Variants in MGAM2 observed in about 807,000 individuals in gnomAD.
MGAM2 encodes the protein maltase-glucoamylase 2 (putative), also known as probable maltase-glucoamylase 2.
In MGAM2, 98 loss-of-function variants were observed where a neutral mutation model predicts 96.1. That is an observed-to-expected ratio of 1.02 (90% confidence interval 0.87 to 1.21). The LOEUF is 1.21. Among genes scored for constraint, MGAM2 ranks in the 50% most tolerant of loss-of-function variants. MGAM2 has a pLI of 0.00. For missense variants in MGAM2, 2,055 were observed against 1,182.4 expected (o/e 1.74, Z -10.82); for synonymous variants, 749 against 414.8 (o/e 1.81, Z -9.79).
chr7:142,189,119 CTA>C (rs1368465928), intron 36 of MGAM2, among the ~76,000 whole-genome samples: 1 of 152,186 alleles, frequency 6.6e-6, no homozygotes, highest in Admixed American at 6.5e-5. Context: ...TGACAACACT[CTA>C]TAAATTAAAT....
intron 45 of MGAM2, among the ~76,000 whole-genome samples, chr7:142,201,317 A>G (rs6945482): frequency 1 from 151,448 of 151,924 alleles, 75,488 homozygotes; most frequent in Middle Eastern, 1. Flanking sequence ...TGATTCACCC[A>G]CCTCGGCCTC....
chr7:142,212,822 G>C (rs1797630571), intron 46 of MGAM2, among the ~76,000 whole-genome samples: 1 of 152,034 alleles, frequency 6.6e-6, no homozygotes, highest in South Asian at 2.1e-4. Flanking sequence ...ACTCAGCTCT[G>C]GACCAAGCAG....
rs902949019 is a variant in MGAM2, at chr7:142,148,100, T to C, written c.1634+527T>C. 6.6e-6 allele frequency among the ~76,000 whole-genome samples: 1 copy of C among 151,702 alleles called. No individual in the cohort carries two copies. Among genetic ancestry groups the C allele is most frequent in the African/African-American group, 2.4e-5 (1 of 41,294 alleles). Reference sequence around the variant, plus strand: ...CCTTCTGCCCTAAGACACACACACATGCACACACACGTGCACACACAACTA... The same window carrying C: ...CCTTCTGCCCTAAGACACACACACACGCACACACACGTGCACACACAACTA... On this transcript the variant is annotated intron_variant, in intron 15 of 47. Coordinates refer to ENST00000477922, the MANE Select transcript of MGAM2 (RefSeq NM_001293626.2). This position sits in a 1 kb window ranked among gnomAD's most constrained non-coding sequence, Gnocchi z 4.2.
In MGAM2 at chr7:142,131,001, T is replaced by C; in HGVS notation, c.240T>C (p.Asn80=). 1.4e-6 allele frequency: 1 copy of C among 702,696 alleles called. No individual in the cohort carries two copies. The highest frequency in any genetic ancestry group is 2.6e-6 in the Non-Finnish European group (1 of 385,008). 43.5% of individuals were successfully genotyped at this position (702,696 alleles called of 1,614,324 possible). Reference sequence around the variant, plus strand: ...GCTGGTCGCCTGTGGCAGATGCCAATGTCCCTAGGTGCTTCTTCCCCTGGA... The same window carrying C: ...GCTGGTCGCCTGTGGCAGATGCCAACGTCCCTAGGTGCTTCTTCCCCTGGA... The part of the protein sequence containing the change: ...KCCWSPVADA[N]VPRCFFPWNW... The change falls in exon 4 of 48, where the codon AAT becomes AAC. Residue 80 remains asparagine, a synonymous_variant. Coordinates refer to ENST00000477922, the MANE Select transcript of MGAM2 (RefSeq NM_001293626.2).
chr7:142,185,194 A>AT (rs749042458), intron 34 of MGAM2, 55 bp downstream of exon 34: 24 of 690,906 alleles, frequency 3.5e-5, no homozygotes, highest in Non-Finnish European at 5.5e-5. Flanking sequence ...GGATATTTAC[A>AT]TTTTTTATCC....
chr7:142,148,870 C>G lies in MGAM2; in HGVS notation c.1634+1297C>G, dbSNP rs1465801637. On this transcript the variant is annotated intron_variant, in intron 15 of 47. Transcript: ENST00000477922. The surrounding 1 kb of genome is among the most constrained non-coding windows in gnomAD (Gnocchi z 4.2). ...TCAGTCCTTTTCTTACTTGACTTCT[C>G]TTTCTCCTTGGTACTCAAGGCCATA... 6.6e-6 allele frequency among the ~76,000 whole-genome samples: 1 copy of G among 152,068 alleles called. No homozygotes were observed. The highest frequency in any genetic ancestry group is 1.5e-5 in the Non-Finnish European group (1 of 68,010).
intron 24 of MGAM2, 30 bp from the exon 25 acceptor site, chr7:142,166,068 C>G: frequency 1.5e-6 from 1 of 654,254 alleles, no homozygotes; most frequent in East Asian, 2.8e-5. Context: ...CCCTCCCTTC[C>G]TTTGTCACTG....
intron 46 of MGAM2, 56 bp from the exon 47 acceptor site, chr7:142,218,305 C>G (rs2129107660): frequency 1.1e-5 from 6 of 547,770 alleles, no homozygotes; most frequent in Non-Finnish European, 1.9e-5. Context: ...TTAATATGGA[C>G]CATAGTCTAT....
In MGAM2 at chr7:142,120,378, C is replaced by G. The variant is rs187698952; in HGVS notation, c.183C>G (p.Thr61=). Residue 61 remains threonine (T), a synonymous_variant, in exon 3 of 48, where the codon ACC becomes ACG. Transcript: ENST00000477922. Reference sequence around the variant, plus strand: ...ACTGCACACCTGACCAGGAGGTGACCGAGGTCAGAGAAATAAGGTCCCTTT... The same window carrying G: ...ACTGCACACCTGACCAGGAGGTGACGGAGGTCAGAGAAATAAGGTCCCTTT... ...RIDCTPDQEV[T]EDICRWQYKC... 1.4e-6 allele frequency: 1 copy of G among 702,364 alleles called. No homozygotes were observed. The highest frequency in any genetic ancestry group is 2.7e-5 in the East Asian group (1 of 37,246). 43.5% of individuals were successfully genotyped at this position (702,364 alleles called of 1,614,324 possible).
At chr7:142,178,676 T>C (rs764004435) in intron 32 of MGAM2, among the ~76,000 whole-genome samples, 1 of 152,156 alleles carries the variant, frequency 6.6e-6, no homozygotes, top group African/African-American at 2.4e-5. Flanking sequence ...AGGTGTGTGA[T>C]AGTATACGTT....
intron 45 of MGAM2, 46 bp downstream of exon 45, chr7:142,200,014 C>G (rs768094713): frequency 3.2e-6 from 2 of 615,966 alleles, no homozygotes; most frequent in South Asian, 3.9e-5. Context: ...TGAGAAAAAT[C>G]ATACCATAGA....
intron 1 of MGAM2, among the ~76,000 whole-genome samples, chr7:142,116,548 C>A (rs1817408432): frequency 6.6e-6 from 1 of 152,216 alleles, no homozygotes; most frequent in Admixed American, 6.5e-5. Context: ...GTTTTGTGAG[C>A]TACCTCAGCC....
intron 46 of MGAM2, among the ~76,000 whole-genome samples, chr7:142,209,766 A>G (rs1464409408): frequency 6.6e-6 from 1 of 152,250 alleles, no homozygotes; most frequent in Non-Finnish European, 1.5e-5. Flanking sequence ...CTTTTAAAAC[A>G]TCAGAACCGA....
chr7:142,207,491 T>A (rs2129104035), intron 45 of MGAM2, among the ~76,000 whole-genome samples: 1 of 152,178 alleles, frequency 6.6e-6, no homozygotes, highest in East Asian at 1.9e-4. Context: ...AGTGGCGCGA[T>A]CTTGGCTCGC....
At chr7:142,173,081 G>A in intron 30 of MGAM2, 148 bp from the exon 31 acceptor site, 1 of 562,792 alleles carries the variant, frequency 1.8e-6, no homozygotes, top group Non-Finnish European at 3.2e-6. Context: ...GTCTGTAGTT[G>A]CTCCACATTT....
At chr7:142,165,257 G>GT (rs1473933621) in intron 24 of MGAM2, among the ~76,000 whole-genome samples, 2 of 152,208 alleles carry the variant, frequency 1.3e-5, no homozygotes, top group African/African-American at 4.8e-5. Flanking sequence ...AGAGAAGGAA[G>GT]TTCTTCTCTG....
In MGAM2 at chr7:142,154,020, C is replaced by A; in HGVS notation, c.1637C>A (p.Ala546Asp). ...GHSMARTTNL[A>D]LETIFMNNRS... ...CCACTGGATGTATTCCTTTCCAGAG[C>A]CCTGGAGACCATCTTCATGAATAAT... The change falls in exon 16 of 48, where the codon GCC becomes GAC. Residue 546 changes from alanine to aspartate, a missense_variant and splice_region_variant. Coordinates refer to ENST00000477922, the MANE Select transcript of MGAM2 (RefSeq NM_001293626.2). The A allele has an allele frequency of 1.5e-6, 1 of 665,230 alleles. No individual in the cohort carries two copies. Among genetic ancestry groups the A allele is most frequent in the South Asian group, 1.6e-5 (1 of 62,018 alleles). 41.2% of individuals were successfully genotyped at this position (665,230 alleles called of 1,614,324 possible).
At position 142,173,284 on chromosome 7, in the gene MGAM2, G is replaced by T. The variant is rs759332548; in HGVS notation, c.3617G>T (p.Arg1206Leu). ...TGGGCCTTGGGATTCCATCTGAGTC[G>T]CTATGGATACCAGAATGATGCTGAA... ...PYWALGFHLS[R>L]YGYQNDAEIS... Residue 1206 changes from arginine (R) to leucine (L), a missense_variant, in exon 31 of 48, where the codon CGC (arginine) becomes CTC (leucine). Physicochemically the swap from Arg to Leu is moderately radical, Grantham distance 102. Coordinates refer to ENST00000477922, the MANE Select transcript of MGAM2 (RefSeq NM_001293626.2). The T allele has an allele frequency of 1.4e-6, 1 of 702,930 alleles. No individual in the cohort carries two copies. The allele number at this position is 702,930 out of a possible 1,614,324, so 43.5% of individuals were successfully genotyped here. A position where few individuals can be genotyped will look rare whatever the true frequency, so the allele number is the denominator to read the frequency against.
At chr7:142,217,317 T>C (rs1797794476) in intron 46 of MGAM2, among the ~76,000 whole-genome samples, 1 of 152,218 alleles carries the variant, frequency 6.6e-6, no homozygotes, top group African/African-American at 2.4e-5. Context: ...CTAAATTAAC[T>C]TGTGCAGTAC....
Sources: allele counts gnomAD v4.1 joint callset (sites outside exome capture counted in the v4.1 genomes callset), GRCh38; gene constraint gnomAD v4.1.1; non-coding constraint Gnocchi (gnomAD v3.1); transcripts MANE v1.5; gene names NCBI Gene and HGNC (gene_info 2026-07-23, HGNC 2026-07-21).